SCN3A: variants seen among roughly 807,000 people sequenced by gnomAD.
SCN3A encodes sodium voltage-gated channel alpha subunit 3, also known as sodium channel protein type 3 subunit alpha.
SCN3A carries 60 observed loss-of-function variants against 187.6 expected under a neutral mutation model. The ratio of observed to expected loss-of-function variants is 0.32; its 90% CI spans 0.26 to 0.40. The LOEUF is 0.40. SCN3A is among the 10% of genes least tolerant of loss of function. SCN3A has a pLI of 1.00. For missense variants in SCN3A, 1,601 were observed against 2,428.2 expected (o/e 0.66, Z 7.16); for synonymous variants, 788 against 829.2 (o/e 0.95, Z 0.85).
chr2:165,106,364 A>G (rs534609418), intron 21 of SCN3A, among the ~76,000 whole-genome samples: 36 of 152,244 alleles, frequency 2.4e-4, no homozygotes, highest in Non-Finnish European at 5.0e-4. Flanking sequence ...AAATCAAAGT[A>G]TCTTTGTTAA....
chr2:165,156,738 A>G (rs2105871231), intron 9 of SCN3A, among the ~76,000 whole-genome samples: 1 of 152,150 alleles, frequency 6.6e-6, no homozygotes, highest in South Asian at 2.1e-4. Context: ...TATTTAATTG[A>G]GATGGGATCT....
intron 15 of SCN3A, among the ~76,000 whole-genome samples, chr2:165,137,130 T>A (rs1687714328): frequency 6.6e-6 from 1 of 152,156 alleles, no homozygotes; most frequent in Non-Finnish European, 1.5e-5. Flanking sequence ...TGCAGTGAAC[T>A]TGTGGGCCAT....
intron 24 of SCN3A, among the ~76,000 whole-genome samples, chr2:165,096,150 T>G (rs1574099282): frequency 6.6e-6 from 1 of 152,126 alleles, no homozygotes; most frequent in African/African-American, 2.4e-5. Context: ...CAGAGTCTGG[T>G]TTATCATACT....
Position 165,089,906 on chromosome 2 carries a change from T to A in SCN3A, c.*244A>T, listed in dbSNP as rs13395432. ...CTATCCCTATAGTCTAGGTAGCCAT[T>A]GGGTTTCTCCTCAGCAGTGTCAGCT... On this transcript the variant is annotated 3_prime_UTR_variant, in exon 28 of 28. Coordinates refer to ENST00000283254, the MANE Select transcript of SCN3A (RefSeq NM_006922.4). 0.013 allele frequency: 6,999 copies of A among 529,530 alleles called. 77 individuals carry two copies. Among genetic ancestry groups the A allele is most frequent in the Non-Finnish European group, 0.018 (5,245 of 297,220 alleles). The allele number at this position is 529,530 out of a possible 1,614,324, so 32.8% of individuals were successfully genotyped here.
Position 165,140,503 on chromosome 2 carries a change from C to T in SCN3A, c.2019+148G>A. The T allele has an allele frequency of 2.8e-6, 2 of 715,896 alleles. No individual in the cohort carries two copies. Among genetic ancestry groups the T allele is most frequent in the Admixed American group, 2.1e-5 (1 of 47,706 alleles). The allele number at this position is 715,896 out of a possible 1,614,324, so 44.3% of individuals were successfully genotyped here. ...TACAATTCAATTGATTCTCAATATT[C>T]TATTGTTTTCCCTTTGATTAATCAT... is the stretch of plus-strand genomic sequence containing the variant. On this transcript the variant is annotated intron_variant, in intron 13 of 27. Transcript: ENST00000283254. This position sits in a 1 kb window ranked among gnomAD's most constrained non-coding sequence, Gnocchi z 4.2.
intron 18 of SCN3A, among the ~76,000 whole-genome samples, chr2:165,115,967 C>A (rs1263125320): frequency 6.6e-6 from 1 of 152,068 alleles, no homozygotes; most frequent in African/African-American, 2.4e-5. Context: ...TAAAATACAT[C>A]AAATCAAATT....
chr2:165,096,265 A>G (rs1246567082), intron 24 of SCN3A, among the ~76,000 whole-genome samples: 2 of 152,160 alleles, frequency 1.3e-5, no homozygotes, highest in Non-Finnish European at 2.9e-5. Flanking sequence ...CCATGCAGCT[A>G]GATATCGTTT....
At chr2:165,166,442 A>G (rs1180575207) in intron 5 of SCN3A, among the ~76,000 whole-genome samples, 1 of 120,478 alleles carries the variant, frequency 8.3e-6, no homozygotes, top group African/African-American at 3.6e-5. Flanking sequence ...GTGTTTTAAA[A>G]CCTTGAAATT....
Position 165,115,507 on chromosome 2 carries a change from T to C in SCN3A, c.3462A>G (p.Gln1154=). The C allele has an allele frequency of 6.2e-7, 1 of 1,614,050 alleles. No homozygotes were observed. The highest frequency in any genetic ancestry group is 8.5e-7 in the Non-Finnish European group (1 of 1,179,974). The stretch of plus-strand genomic sequence containing the variant: ...GGTCTTCTTCGGGTTCAGTTTCAGC[T>C]TGTTCACCTTCTCGGGGTAGAACAA... The part of the protein sequence containing the change: ...VDVVLPREGE[Q]AETEPEEDLK... The change falls in exon 19 of 28, where the codon CAA becomes CAG. Residue 1154 remains glutamine, a synonymous_variant. Coordinates refer to ENST00000283254, the MANE Select transcript of SCN3A (RefSeq NM_006922.4).
intron 4 of SCN3A, 97 bp downstream of exon 4, chr2:165,170,333 T>G: frequency 2.6e-6 from 2 of 779,022 alleles, no homozygotes; most frequent in Non-Finnish European, 4.6e-6. Context: ...ACCATTAATC[T>G]CAAAGAAATT....
At chr2:165,172,703 C>A (rs1690179170) in intron 3 of SCN3A, among the ~76,000 whole-genome samples, 1 of 151,990 alleles carries the variant, frequency 6.6e-6, no homozygotes, top group Non-Finnish European at 1.5e-5. Context: ...ATAAATTATC[C>A]CTTTGAACAT....
chr2:165,160,381 G>T (rs1223868498), intron 9 of SCN3A, among the ~76,000 whole-genome samples: 3 of 152,068 alleles, frequency 2.0e-5, no homozygotes, highest in Non-Finnish European at 4.4e-5. Context: ...CACCACCCTT[G>T]GTCGGTGGAA....
chr2:165,175,990 G>T, intron 3 of SCN3A, 141 bp downstream of exon 3: 1 of 734,318 alleles, frequency 1.4e-6, no homozygotes, highest in South Asian at 2.1e-5. Context: ...ATTATATTGT[G>T]ATAAAAATAA....
chr2:165,097,744 T>G (rs1388607291), intron 22 of SCN3A: 2 of 588,196 alleles, frequency 3.4e-6, no homozygotes, highest in African/African-American at 1.9e-5. Flanking sequence ...TATGCTACAG[T>G]ATGAAAAGAA....
intron 12 of SCN3A, among the ~76,000 whole-genome samples, 160 bp from the exon 13 acceptor site, chr2:165,141,158 T>C (rs1687989230): frequency 6.6e-6 from 1 of 152,222 alleles, no homozygotes; most frequent in South Asian, 2.1e-4. Context: ...TATATTTTGA[T>C]ATTTTTATTA....
chr2:165,117,708 C>G lies in SCN3A; in HGVS notation c.3394-2133G>C, dbSNP rs187765869. Among the ~76,000 whole-genome samples, 33 of 152,088 alleles carry G rather than the reference C, an allele frequency of 2.2e-4. No homozygotes were observed. The East Asian group carries it at 6.0e-3, about 28-fold the overall frequency. The stretch of plus-strand genomic sequence containing the variant: ...CTCCATTTTGATATATAAGTCAAGT[C>G]TGGTCCTGAAAGAGTCTATGTAATT... On this transcript the variant is annotated intron_variant, in intron 18 of 27. Transcript: ENST00000283254.
At chr2:165,147,118 T>A in intron 11 of SCN3A, 89 bp from the exon 12 acceptor site, 1 of 1,440,918 alleles carries the variant, frequency 6.9e-7, no homozygotes, top group Non-Finnish European at 9.6e-7. Context: ...TAAGACTCAT[T>A]AACTACAAGT....
intron 18 of SCN3A, among the ~76,000 whole-genome samples, chr2:165,117,160 A>T (rs1289280273): frequency 1.3e-5 from 2 of 152,006 alleles, no homozygotes; most frequent in Non-Finnish European, 2.9e-5. Context: ...GGTCTCAGCC[A>T]CTTTTTCTTC....
rs1160354199 is a variant in SCN3A at position 165,179,081 on chromosome 2, T to C, written c.-50-2637A>G. 3.9e-5 allele frequency among the ~76,000 whole-genome samples: 6 copies of C among 152,076 alleles called. No individual in the cohort carries two copies. The East Asian group carries it at 1.2e-3, about 29-fold the overall frequency. ...AGTGCTGAATGAAAATGAAACAGCA[T>C]GACAAACATGTCTTAAGGAAATTCT... On this transcript the variant is annotated intron_variant, in intron 2 of 27. Transcript: ENST00000283254.
Sources: allele counts gnomAD v4.1 joint callset (sites outside exome capture counted in the v4.1 genomes callset), GRCh38; gene constraint gnomAD v4.1.1; non-coding constraint Gnocchi (gnomAD v3.1); transcripts MANE v1.5; gene names NCBI Gene and HGNC (gene_info 2026-07-23, HGNC 2026-07-21).